Variants in POU6F2 observed in about 807,000 individuals in gnomAD.
The protein encoded by POU6F2 is POU domain, class 6, transcription factor 2.
A neutral mutation model predicts 71.3 loss-of-function variants in POU6F2; 31 were observed. The ratio of observed to expected loss-of-function variants is 0.43; its 90% CI spans 0.33 to 0.59. The LOEUF (loss-of-function observed/expected upper bound fraction) is 0.59, where lower values mean the gene tolerates loss of function less well. Ranked by LOEUF, POU6F2 falls within the 20% of genes least tolerant of loss-of-function variation. POU6F2 has a pLI of 0.04. For synonymous variants in POU6F2, 347 were observed against 355.7 expected (o/e 0.98, Z 0.27); for missense variants, 783 against 856.8 (o/e 0.91, Z 1.07).
chr7:39,282,186 T>C (rs1209523458), intron 4 of POU6F2, among the ~76,000 whole-genome samples: 1 of 152,196 alleles, frequency 6.6e-6, no homozygotes, highest in African/African-American at 2.4e-5. Flanking sequence ...ATTCTGTATA[T>C]TAACTCCTTG....
In POU6F2 at chr7:39,437,720, C is replaced by T. The variant is rs556151705; in HGVS notation, c.1320+4437C>T. 5.3e-5 allele frequency among the ~76,000 whole-genome samples: 8 copies of T among 152,084 alleles called. No homozygotes were observed. The East Asian group carries it at 1.4e-3, about 26-fold the overall frequency. ...GTTCTTAATTGTGATGTTAGGGTGT[C>T]GATTTGAGAACTTTCTAGCTTTCTG... On this transcript the variant is annotated intron_variant, in intron 7 of 9. Transcript: ENST00000518318.
chr7:39,200,132 A>G (rs1459485025), intron 2 of POU6F2, among the ~76,000 whole-genome samples: 1 of 152,228 alleles, frequency 6.6e-6, no homozygotes, highest in Non-Finnish European at 1.5e-5. Flanking sequence ...AGGGGATTAC[A>G]CTAGCTGCAG....
At chr7:39,250,649 C>T (rs75582427) in intron 4 of POU6F2, among the ~76,000 whole-genome samples, 10,938 of 152,154 alleles carry the variant, frequency 0.072, 515 homozygotes, top group East Asian at 0.13. Flanking sequence ...TAATCCTACC[C>T]CCATGGGGCT....
intron 2 of POU6F2, among the ~76,000 whole-genome samples, chr7:39,131,755 T>C (rs1010451539): frequency 6.6e-6 from 1 of 152,222 alleles, no homozygotes; most frequent in Non-Finnish European, 1.5e-5. Context: ...TCTTCTGATC[T>C]TTCTCCTGCA....
chr7:39,223,331 A>G (rs191887956), intron 4 of POU6F2, among the ~76,000 whole-genome samples: 50 of 152,288 alleles, frequency 3.3e-4, no homozygotes, highest in African/African-American at 1.2e-3. Context: ...TATTTATATA[A>G]TTGCAGTTGG....
chr7:39,203,642 C>A (rs1273930159), intron 2 of POU6F2, among the ~76,000 whole-genome samples: 2 of 152,210 alleles, frequency 1.3e-5, no homozygotes, highest in East Asian at 3.8e-4. Context: ...CATGGCGGAG[C>A]TCCCTGGAGC....
intron 1 of POU6F2, among the ~76,000 whole-genome samples, chr7:39,028,080 C>T (rs957737193): frequency 1.3e-5 from 2 of 151,904 alleles, no homozygotes; most frequent in African/African-American, 4.8e-5. Flanking sequence ...TGGGATTTCC[C>T]TAATTATTGA....
intron 2 of POU6F2, among the ~76,000 whole-genome samples, chr7:39,128,132 T>G (rs1438833047): frequency 6.6e-6 from 1 of 152,076 alleles, no homozygotes; most frequent in Non-Finnish European, 1.5e-5. Flanking sequence ...TGAGCCACTG[T>G]GCCCGGCCGC....
At chr7:39,197,252 G>T (rs887969897) in intron 2 of POU6F2, among the ~76,000 whole-genome samples, 2 of 152,142 alleles carry the variant, frequency 1.3e-5, no homozygotes, top group African/African-American at 4.8e-5. Flanking sequence ...CAGGTGAGGG[G>T]AAGGTCATAT....
rs1447447097 is a variant in POU6F2 at position 39,451,535 on chromosome 7, C to T, written c.1323C>T (p.Leu441=). 6.2e-7 allele frequency: 1 copy of T among 1,612,168 alleles called. No individual in the cohort carries two copies. Residue 441 remains leucine (L), a splice_region_variant and synonymous_variant, in exon 8 of 10, where the codon CTC becomes CTT. Transcript: ENST00000518318. ...TLSPIKPGQQ[L]HQPSQTSVGQ... ...TTTTTTTACATCCCCTCATGTAGCT[C>T]CACCAACCCTCCCAGACGTCAGTGG...
chr7:39,132,982 A>T (rs1218839950), intron 2 of POU6F2, among the ~76,000 whole-genome samples: 1 of 152,178 alleles, frequency 6.6e-6, no homozygotes, highest in Non-Finnish European at 1.5e-5. Context: ...GGTGTATGAG[A>T]TTACCTCTTT....
chr7:38,987,825 A>G (rs549466134), intron 1 of POU6F2, among the ~76,000 whole-genome samples: 2 of 151,860 alleles, frequency 1.3e-5, no homozygotes, highest in East Asian at 3.9e-4. Context: ...TTATATTTGA[A>G]TAAAAGATGG....
rs1250031491 is a variant in POU6F2, at chr7:39,460,731, A to C, written c.1658+16A>C. The C allele has an allele frequency of 6.4e-7, 1 of 1,571,216 alleles. No individual in the cohort carries two copies. The highest frequency in any genetic ancestry group is 8.6e-7 in the Non-Finnish European group (1 of 1,157,730). ...CCATCTGCAGGTAACGCGCGCCTGCATGCTGTCACCTCTTCTAGCCGCCCT... is the reference window on the plus strand; with the variant it reads ...CCATCTGCAGGTAACGCGCGCCTGCCTGCTGTCACCTCTTCTAGCCGCCCT... On this transcript the variant is annotated intron_variant, in intron 9 of 9. Coordinates refer to ENST00000518318, the MANE Select transcript of POU6F2 (RefSeq NM_001370959.1). This position sits in a 1 kb window ranked among gnomAD's most constrained non-coding sequence, Gnocchi z 4.4.
At chr7:39,107,239 C>T (rs1009460369) in intron 2 of POU6F2, among the ~76,000 whole-genome samples, 8 of 151,786 alleles carry the variant, frequency 5.3e-5, no homozygotes, top group African/African-American at 7.2e-5. Context: ...GAGACAGAAT[C>T]GCCCTGCATT....
intron 1 of POU6F2, among the ~76,000 whole-genome samples, chr7:39,037,336 T>G (rs1325804771): frequency 6.6e-6 from 1 of 151,966 alleles, no homozygotes; most frequent in African/African-American, 2.4e-5. Flanking sequence ...TCCTCTTAGC[T>G]GCTCTAACTT....
chr7:39,246,369 A>G (rs920056082), intron 4 of POU6F2, among the ~76,000 whole-genome samples: 4 of 152,162 alleles, frequency 2.6e-5, no homozygotes, highest in African/African-American at 4.8e-5. Flanking sequence ...GTACTACCAA[A>G]GGGGAAAACA....
chr7:39,240,438 C>T (rs930538544), intron 4 of POU6F2, among the ~76,000 whole-genome samples: 1 of 152,078 alleles, frequency 6.6e-6, no homozygotes, highest in South Asian at 2.1e-4. Flanking sequence ...ATTTGTAAAT[C>T]GAAAGGGCCT....
At chr7:38,991,305 C>G (rs979074044) in intron 1 of POU6F2, among the ~76,000 whole-genome samples, 2 of 152,028 alleles carry the variant, frequency 1.3e-5, no homozygotes, top group Admixed American at 1.3e-4. Flanking sequence ...AAATAAGACC[C>G]TTTCTTTAAT....
chr7:39,357,714 TAAG>T (rs1489319170), intron 5 of POU6F2, among the ~76,000 whole-genome samples: 1 of 152,216 alleles, frequency 6.6e-6, no homozygotes, highest in Non-Finnish European at 1.5e-5. Flanking sequence ...CTAAATTTAA[TAAG>T]AAGATGGAAA....
Sources: gnomAD v4.1 joint callset for allele counts (sites outside exome capture counted in the v4.1 genomes callset) on GRCh38, gnomAD v4.1.1 for gene constraint, Gnocchi (gnomAD v3.1) non-coding constraint, MANE v1.5 for transcripts, NCBI Gene and HGNC (gene_info 2026-07-23, HGNC 2026-07-21) for gene names.